ELAVL1: variants seen among roughly 807,000 people sequenced by gnomAD.
ELAVL1 encodes the protein ELAV like RNA binding protein 1.
In ELAVL1, 1 loss-of-function variant was observed where a neutral mutation model predicts 28.4. The ratio of observed to expected loss-of-function variants is 0.04; its 90% confidence interval spans 0.01 to 0.17. The LOEUF (loss-of-function observed/expected upper bound fraction) is 0.17, where lower values mean the gene tolerates loss of function less well. ELAVL1 is among the 10% of genes least tolerant of loss of function. The pLI is 1.00. For missense variants in ELAVL1, 157 were observed against 447.2 expected, an observed-to-expected ratio of 0.35 and a Z score of 5.85; for synonymous variants, 174 against 183.5, an observed-to-expected ratio of 0.95 and a Z score of 0.42.
At chr19:7,974,800 G>A (rs115510389) in intron 3 of ELAVL1, among the ~76,000 whole-genome samples, 1,927 of 152,314 alleles carry the variant, frequency 0.013, 41 homozygotes, top group African/African-American at 0.043. Flanking sequence ...AGACCAGAAC[G>A]CAGGGAGAAG....
chr19:7,971,386 T>C (rs530313720), intron 4 of ELAVL1, among the ~76,000 whole-genome samples: 1 of 152,176 alleles, frequency 6.6e-6, no homozygotes, highest in Non-Finnish European at 1.5e-5. Context: ...ATGTGGGGTC[T>C]AGAGGAGGAG....
In ELAVL1 at chr19:7,967,732, T is replaced by A. The variant is rs1194773350; in HGVS notation, c.489A>T (p.Ala163=). Residue 163 remains alanine (A), a synonymous_variant, in exon 5 of 6, where the codon GCA becomes GCT. Transcript: ENST00000407627. Reference sequence around the variant, plus strand: ...GTTTATGACCATTGAAACTGGTAATTGCCTCTTCTGCCTCCGACCGTTTGT... The same window carrying A: ...GTTTATGACCATTGAAACTGGTAATAGCCTCTTCTGCCTCCGACCGTTTGT... The part of the protein sequence containing the change: ...RFDKRSEAEE[A]ITSFNGHKPP... The A allele has an allele frequency of 1.2e-6, 2 of 1,614,176 alleles. No individual in the cohort carries two copies. Among genetic ancestry groups the A allele is most frequent in the South Asian group, 2.2e-5 (2 of 91,074 alleles).
intron 3 of ELAVL1, among the ~76,000 whole-genome samples, chr19:7,980,245 G>C (rs549673259): frequency 1.3e-5 from 2 of 152,144 alleles, no homozygotes; most frequent in Non-Finnish European, 2.9e-5. Flanking sequence ...AGGAAGCCCA[G>C]TTGCAGGGGC....
chr19:7,972,368 TC>T lies in ELAVL1; in HGVS notation c.430+1356del, dbSNP rs367698552. ...GAGCACAGCCGTGGGCGTGCACATG[TC>T]CCCTGCTCATCTCTGCCTGACGGCA... On this transcript the variant is annotated intron_variant, in intron 4 of 5. Coordinates refer to ENST00000407627, the MANE Select transcript of ELAVL1 (RefSeq NM_001419.3). Among the ~76,000 whole-genome samples the T allele has an allele frequency of 3.4e-3, 521 of 152,328 alleles. 3 individuals carry two copies. The highest frequency in any genetic ancestry group is 0.012 in the African/African-American group (484 of 41,580).
At chr19:7,971,796 C>T (rs1338879485) in intron 4 of ELAVL1, among the ~76,000 whole-genome samples, 1 of 152,214 alleles carries the variant, frequency 6.6e-6, no homozygotes, top group Non-Finnish European at 1.5e-5. Context: ...AGGCCGGCAG[C>T]GGCAGGGCCA....
chr19:7,989,990 T>C (rs1274425412), intron 2 of ELAVL1, among the ~76,000 whole-genome samples: 1 of 152,216 alleles, frequency 6.6e-6, no homozygotes, highest in Non-Finnish European at 1.5e-5. Context: ...TCTATGTTCA[T>C]GTATGCCTGA....
At chr19:7,971,658 C>T (rs1985115123) in intron 4 of ELAVL1, among the ~76,000 whole-genome samples, 1 of 152,244 alleles carries the variant, frequency 6.6e-6, no homozygotes, top group Admixed American at 6.5e-5. Context: ...GGCGGCCGTG[C>T]GAGTGAGCCC....
intron 4 of ELAVL1, among the ~76,000 whole-genome samples, chr19:7,968,377 A>C (rs1441568296): frequency 1.3e-5 from 2 of 152,186 alleles, no homozygotes; most frequent in African/African-American, 4.8e-5. Context: ...ACCCCCTGCC[A>C]GCTCCATGCT....
Position 7,970,898 on chromosome 19 carries a change from G to A in ELAVL1, c.430+2827C>T, listed in dbSNP as rs1337252297. ...TTTAACACTAAAAAGCCCGTCACAG[G>A]AAGGCAAACTCCACACAGGCTGGCC... On this transcript the variant is annotated intron_variant, in intron 4 of 5. Transcript: ENST00000407627. Among the ~76,000 whole-genome samples, 3 of 152,282 alleles carry A rather than the reference G, an allele frequency of 2.0e-5. No individual in the cohort carries two copies. In the East Asian group the frequency reaches 5.8e-4, roughly 30 times the overall value.
rs1180723136 is a variant in ELAVL1, at chr19:7,981,883, C to A, written c.173-697G>T. ...TTGTGTCACTGCTGTTTCTCTGCCA[C>A]TTCCTTGTCCAGAGCAGGAGGGCCT... On this transcript the variant is annotated intron_variant, in intron 2 of 5. Transcript: ENST00000407627. This position sits in a 1 kb window ranked among gnomAD's most constrained non-coding sequence, Gnocchi z 4.2. Among the ~76,000 whole-genome samples, 1 of 152,190 alleles carries A rather than the reference C, an allele frequency of 6.6e-6. No individual in the cohort carries two copies. The highest frequency in any genetic ancestry group is 1.5e-5 in the Non-Finnish European group (1 of 68,048).
At chr19:8,003,525 T>C (rs907623702) in intron 1 of ELAVL1, among the ~76,000 whole-genome samples, 2 of 151,786 alleles carry the variant, frequency 1.3e-5, no homozygotes, top group African/African-American at 2.4e-5. Context: ...ACCCCGTCTC[T>C]ACTAAAAGTA....
rs1985491720 is a variant in ELAVL1, at chr19:7,982,551, T to C, written c.173-1365A>G. Among the ~76,000 whole-genome samples, 1 of 152,244 alleles carries C rather than the reference T, an allele frequency of 6.6e-6. No homozygotes were observed. On this transcript the variant is annotated intron_variant, in intron 2 of 5. Transcript: ENST00000407627. The surrounding 1 kb of genome is among the most constrained non-coding windows in gnomAD (Gnocchi z 4.3). ...TGAATTTTATTTTTCAGAACAGTTT[T>C]AGGTTTACAGAAAAATTACAAGGAT...
intron 5 of ELAVL1, among the ~76,000 whole-genome samples, chr19:7,965,374 C>G (rs1362598790): frequency 6.6e-6 from 1 of 152,204 alleles, no homozygotes. Flanking sequence ...ATGCGCCCGG[C>G]CTTCTTAGGA....
At chr19:7,964,118 C>A (rs1266162197) in intron 5 of ELAVL1, among the ~76,000 whole-genome samples, 1 of 152,158 alleles carries the variant, frequency 6.6e-6, no homozygotes, top group Non-Finnish European at 1.5e-5. Flanking sequence ...AGATGATGGG[C>A]GCTTCTCCTG....
chr19:7,986,214 G>T (rs1005687633), intron 2 of ELAVL1, among the ~76,000 whole-genome samples: 5 of 152,222 alleles, frequency 3.3e-5, no homozygotes, highest in African/African-American at 1.2e-4. Context: ...TGCCCTGTGG[G>T]TGAAGCCCTC....
chr19:7,981,968 C>T lies in ELAVL1; in HGVS notation c.173-782G>A, dbSNP rs994246298. Among the ~76,000 whole-genome samples, 2 of 152,190 alleles carry T rather than the reference C, an allele frequency of 1.3e-5. No individual in the cohort carries two copies. The highest frequency in any genetic ancestry group is 1.3e-4 in the Admixed American group (2 of 15,284). On this transcript the variant is annotated intron_variant, in intron 2 of 5. Coordinates refer to ENST00000407627, the MANE Select transcript of ELAVL1 (RefSeq NM_001419.3). This position sits in a 1 kb window ranked among gnomAD's most constrained non-coding sequence, Gnocchi z 4.2. ...TCCAAGCCTGAGACCAGCCCGACCC[C>T]GCTGTGGGGCAGAAGAGTCCAGGGA...
At chr19:8,000,366 G>C (rs577784472) in intron 1 of ELAVL1, among the ~76,000 whole-genome samples, 1 of 152,328 alleles carries the variant, frequency 6.6e-6, no homozygotes, top group East Asian at 1.9e-4. Context: ...GGAGAGAGAT[G>C]TGTGTGTCTT....
At chr19:7,995,916 CTT>C (rs577024547) in intron 1 of ELAVL1, among the ~76,000 whole-genome samples, 21 of 146,048 alleles carry the variant, frequency 1.4e-4, no homozygotes, top group East Asian at 2.0e-4. Context: ...AGTCAGAACA[CTT>C]TTTTTTTTTT....
rs770553642 is a variant in ELAVL1 at position 7,998,653 on chromosome 19, A to AT, written c.-16-6823dup. On this transcript the variant is annotated intron_variant, in intron 1 of 5. Coordinates refer to ENST00000407627, the MANE Select transcript of ELAVL1 (RefSeq NM_001419.3). ...TCCCAGCTCATTTTTTAAAATTAGT[A>AT]TTTTTTTTTAAAGAGATGGGGGTCT... is the stretch of plus-strand genomic sequence containing the variant. 2.4e-3 allele frequency among the ~76,000 whole-genome samples: 370 copies of AT among 151,216 alleles called. 3 individuals carry two copies. The highest frequency in any genetic ancestry group is 3.4e-3 in the Middle Eastern group (1 of 294).
Sources: gnomAD v4.1 joint callset for allele counts (sites outside exome capture counted in the v4.1 genomes callset) on GRCh38, gnomAD v4.1.1 for gene constraint, Gnocchi (gnomAD v3.1) non-coding constraint, MANE v1.5 for transcripts, NCBI Gene and HGNC (gene_info 2026-07-23, HGNC 2026-07-21) for gene names.